Variants in WWOX observed in about 807,000 individuals in gnomAD.
WWOX encodes the protein WW domain-containing oxidoreductase.
A neutral mutation model predicts 46.2 loss-of-function variants in WWOX; 69 were observed. The observed-to-expected ratio is 1.49, with a 90% CI of 1.23 to 1.82. The LOEUF is 1.82. WWOX is among the 40% of genes most tolerant of loss of function. The probability of loss-of-function intolerance (pLI) is 0.00; values close to 1 mark genes in which losing one functional copy is unlikely to be tolerated. For missense variants in WWOX, 919 were observed against 542.6 expected (o/e 1.69, Z -6.89); for synonymous variants, 359 against 202.6 (o/e 1.77, Z -6.56).
At chr16:78,837,667 A>G (rs919530799) in intron 8 of WWOX, among the ~76,000 whole-genome samples, 3 of 152,204 alleles carry the variant, frequency 2.0e-5, no homozygotes, top group Non-Finnish European at 4.4e-5. Flanking sequence ...TGTATCTTAT[A>G]CCAAGAAAGA....
chr16:78,840,986 A>G (rs1380551267), intron 8 of WWOX, among the ~76,000 whole-genome samples: 3 of 152,064 alleles, frequency 2.0e-5, no homozygotes, highest in Non-Finnish European at 2.9e-5. Flanking sequence ...GGCCTTTGGC[A>G]CTTAGCAGGT....
intron 8 of WWOX, among the ~76,000 whole-genome samples, chr16:78,706,502 T>G (rs544518041): frequency 6.6e-6 from 1 of 152,182 alleles, no homozygotes; most frequent in East Asian, 1.9e-4. Context: ...TTTTTGAAGC[T>G]TTTCATTTCC....
chr16:78,481,316 T>G (rs2151447031), intron 8 of WWOX, among the ~76,000 whole-genome samples: 1 of 152,326 alleles, frequency 6.6e-6, no homozygotes, highest in South Asian at 2.1e-4. Context: ...CTGTGGCCTC[T>G]GTCTCTCTTG....
intron 5 of WWOX, among the ~76,000 whole-genome samples, chr16:78,381,284 C>A (rs758218356): frequency 2.6e-5 from 4 of 152,208 alleles, no homozygotes; most frequent in African/African-American, 4.8e-5. Flanking sequence ...CCCTTTGATT[C>A]CACACTTACA....
At chr16:78,558,246 T>C (rs1359951674) in intron 8 of WWOX, among the ~76,000 whole-genome samples, 1 of 152,238 alleles carries the variant, frequency 6.6e-6, no homozygotes, top group Non-Finnish European at 1.5e-5. Flanking sequence ...AGAAAATTTC[T>C]AGTGCCTGGA....
intron 8 of WWOX, among the ~76,000 whole-genome samples, chr16:78,664,384 G>A (rs1049721842): frequency 6.6e-6 from 1 of 152,160 alleles, no homozygotes; most frequent in Non-Finnish European, 1.5e-5. Flanking sequence ...GCCCACGTAG[G>A]AAGTGGCAGG....
intron 5 of WWOX, among the ~76,000 whole-genome samples, chr16:78,343,921 G>A (rs2081056403): frequency 8.3e-6 from 1 of 120,258 alleles, no homozygotes; most frequent in East Asian, 1.9e-4. Context: ...CTTGGTTGGA[G>A]CAATGTAGTC....
intron 6 of WWOX, among the ~76,000 whole-genome samples, chr16:78,411,420 G>A (rs2082677874): frequency 6.6e-6 from 1 of 152,088 alleles, no homozygotes; most frequent in Non-Finnish European, 1.5e-5. Flanking sequence ...AAACCTTGAA[G>A]AACAATTAGG....
rs547994457 is a variant in WWOX at position 78,678,804 on chromosome 16, T to C, written c.1056+246052T>C. On this transcript the variant is annotated intron_variant, in intron 8 of 8. Transcript: ENST00000566780. The stretch of plus-strand genomic sequence containing the variant: ...GTGGCCTGGGGTTAAGTGCTTTACA[T>C]GCATCCCCTCATTGACTTCTCAGAG... Among the ~76,000 whole-genome samples, 3 of 152,246 alleles carry C rather than the reference T, an allele frequency of 2.0e-5. No homozygotes were observed. In the South Asian group the frequency reaches 6.2e-4, roughly 32 times the overall value.
At chr16:78,753,794 C>T (rs1335717377) in intron 8 of WWOX, among the ~76,000 whole-genome samples, 3 of 84,072 alleles carry the variant, frequency 3.6e-5, no homozygotes, top group African/African-American at 1.7e-4. Flanking sequence ...AGGGCAAGAC[C>T]CTATATCAAA....
intron 8 of WWOX, among the ~76,000 whole-genome samples, chr16:78,702,736 G>C (rs1238213041): frequency 6.6e-6 from 1 of 152,034 alleles, no homozygotes; most frequent in Non-Finnish European, 1.5e-5. Flanking sequence ...CATGAATTGA[G>C]AATGGAAAGA....
At chr16:78,575,002 T>TATATATATATATATATATAA (rs2044817545) in intron 8 of WWOX, among the ~76,000 whole-genome samples, 1 of 12,428 alleles carries the variant, frequency 8.0e-5, no homozygotes, top group African/African-American at 3.9e-4. Flanking sequence ...TTTTCAATTA[T>TATATATATATATATATATAA]ATATATATAT....
chr16:78,565,531 A>G (rs564361592), intron 8 of WWOX, among the ~76,000 whole-genome samples: 1 of 152,088 alleles, frequency 6.6e-6, no homozygotes, highest in East Asian at 1.9e-4. Context: ...CCACTCTCTT[A>G]TAAGGACCCT....
At chr16:78,456,099 G>A (rs1369495923) in intron 8 of WWOX, among the ~76,000 whole-genome samples, 1 of 152,180 alleles carries the variant, frequency 6.6e-6, no homozygotes, top group African/African-American at 2.4e-5. Flanking sequence ...GGTGGAGGAG[G>A]ATTCAAGCCC....
At chr16:78,326,029 T>C (rs997736614) in intron 5 of WWOX, among the ~76,000 whole-genome samples, 6 of 152,196 alleles carry the variant, frequency 3.9e-5, no homozygotes, top group African/African-American at 1.2e-4. Flanking sequence ...CTCAGAGTTA[T>C]CTAGCATTGT....
chr16:78,988,297 T>C (rs1246608849), intron 8 of WWOX, among the ~76,000 whole-genome samples: 1 of 149,328 alleles, frequency 6.7e-6, no homozygotes, highest in African/African-American at 2.5e-5. Context: ...TGAGCCAAGA[T>C]CACGCTATTG....
chr16:78,302,158 G>A (rs1409948759), intron 5 of WWOX, among the ~76,000 whole-genome samples: 4 of 151,768 alleles, frequency 2.6e-5, no homozygotes, highest in African/African-American at 4.8e-5. Flanking sequence ...AAGGGGTATC[G>A]CCATGTTGGC....
chr16:79,128,120 G>A (rs2049798087), intron 8 of WWOX, among the ~76,000 whole-genome samples: 1 of 152,092 alleles, frequency 6.6e-6, no homozygotes, highest in Admixed American at 6.6e-5. Flanking sequence ...ATCCAGTAAG[G>A]ACCAGGAGAG....
At chr16:79,175,854 C>G (rs915256501) in intron 8 of WWOX, among the ~76,000 whole-genome samples, 1 of 152,192 alleles carries the variant, frequency 6.6e-6, no homozygotes, top group Non-Finnish European at 1.5e-5. Flanking sequence ...CCCCACTCCC[C>G]TAATTACTCA....
Sources: gnomAD v4.1 joint callset for allele counts (sites outside exome capture counted in the v4.1 genomes callset) on GRCh38, gnomAD v4.1.1 for gene constraint, MANE v1.5 for transcripts, NCBI Gene and HGNC (gene_info 2026-07-23, HGNC 2026-07-21) for gene names.